The following CCSER1 variants were observed in gnomAD, a reference collection of about 807,000 sequenced individuals.
The protein encoded by CCSER1 is serine-rich coiled-coil domain-containing protein 1.
Under a neutral mutation model 82.0 loss-of-function variants are expected in CCSER1, and 41 were observed. The observed-to-expected ratio is 0.50, with a 90% confidence interval of 0.39 to 0.65. The LOEUF is 0.65. Ranked by LOEUF, CCSER1 falls within the 30% of genes least tolerant of loss-of-function variation. CCSER1 has a pLI of 0.00. For synonymous variants in CCSER1, 414 were observed against 383.9 expected, an observed-to-expected ratio of 1.08 and a Z score of -0.92; for missense variants, 1,119 against 1,064.2, an observed-to-expected ratio of 1.05 and a Z score of -0.72.
chr4:90,850,705 C>T (rs761583054), intron 8 of CCSER1, among the ~76,000 whole-genome samples: 7 of 152,184 alleles, frequency 4.6e-5, no homozygotes, highest in Non-Finnish European at 8.8e-5. Context: ...ACTAATATGC[C>T]TTTGATTTTA....
In CCSER1 at chr4:91,594,390, T is replaced by C. The variant is rs150940272; in HGVS notation, c.2218-4182T>C. Among the ~76,000 whole-genome samples the C allele has an allele frequency of 6.6e-3, 913 of 138,976 alleles. 3 individuals carry two copies. Among genetic ancestry groups the C allele is most frequent in the Non-Finnish European group, 0.011 (677 of 63,218 alleles). 91.2% of individuals were successfully genotyped at this position (138,976 alleles called of 152,430 possible). ...ATACACATATATATACACACATATA[T>C]ACATATATACACATATATACACATA... On this transcript the variant is annotated intron_variant, in intron 10 of 10. Coordinates refer to ENST00000509176, the MANE Select transcript of CCSER1 (RefSeq NM_001145065.2).
intron 7 of CCSER1, among the ~76,000 whole-genome samples, chr4:90,729,582 C>CAT (rs1744322337): frequency 1.3e-5 from 2 of 151,984 alleles, no homozygotes; most frequent in East Asian, 1.9e-4. Flanking sequence ...ACAATAAGAA[C>CAT]ATATATATAT....
rs187724774 is a variant in CCSER1 at position 91,490,786 on chromosome 4, G to A, written c.2218-107786G>A. The stretch of plus-strand genomic sequence containing the variant: ...TGGAATGTTTGCAACATGAAGAAAT[G>A]ATAAATGCTTGAGGTAATAGATACC... On this transcript the variant is annotated intron_variant, in intron 10 of 10. Coordinates refer to ENST00000509176, the MANE Select transcript of CCSER1 (RefSeq NM_001145065.2). Among the ~76,000 whole-genome samples the A allele has an allele frequency of 4.1e-3, 587 of 142,220 alleles. 8 individuals are homozygous for A. The highest frequency in any genetic ancestry group is 0.014 in the African/African-American group (558 of 38,576). The allele number at this position is 142,220 out of a possible 152,430, so 93.3% of individuals were successfully genotyped here. A position where few individuals can be genotyped will look rare whatever the true frequency, so the allele number is the denominator to read the frequency against.
chr4:91,004,743 C>G (rs961158291), intron 9 of CCSER1, among the ~76,000 whole-genome samples: 2 of 152,152 alleles, frequency 1.3e-5, no homozygotes, highest in African/African-American at 4.8e-5. Flanking sequence ...TAATATTTCT[C>G]AATTCAATGT....
At chr4:91,121,477 C>A (rs1209707392) in intron 10 of CCSER1, among the ~76,000 whole-genome samples, 3 of 151,564 alleles carry the variant, frequency 2.0e-5, no homozygotes, top group African/African-American at 7.3e-5. Flanking sequence ...AAGTGTATGG[C>A]CGTTAATTAG....
At chr4:90,769,521 T>A (rs544740829) in intron 7 of CCSER1, among the ~76,000 whole-genome samples, 3 of 152,282 alleles carry the variant, frequency 2.0e-5, no homozygotes, top group Admixed American at 1.3e-4. Context: ...ATTGCATAAT[T>A]GGACTTCAGA....
At chr4:90,154,959 G>A (rs1727753364) in intron 1 of CCSER1, among the ~76,000 whole-genome samples, 1 of 152,234 alleles carries the variant, frequency 6.6e-6, no homozygotes, top group East Asian at 1.9e-4. Flanking sequence ...TCTTGTGCCA[G>A]TTTTCAAAGG....
intron 8 of CCSER1, among the ~76,000 whole-genome samples, chr4:90,906,907 A>T (rs1725566139): frequency 6.6e-6 from 1 of 152,156 alleles, no homozygotes; most frequent in African/African-American, 2.4e-5. Flanking sequence ...TATTACTCCA[A>T]ATTCATTGTG....
At chr4:90,568,787 C>CA (rs1367428431) in intron 5 of CCSER1, among the ~76,000 whole-genome samples, 4 of 141,274 alleles carry the variant, frequency 2.8e-5, no homozygotes, top group Non-Finnish European at 6.0e-5. Context: ...CTTTTTGAGA[C>CA]AGTCTCACTC....
At chr4:90,683,571 T>C (rs1734273529) in intron 6 of CCSER1, among the ~76,000 whole-genome samples, 1 of 152,110 alleles carries the variant, frequency 6.6e-6, no homozygotes, top group South Asian at 2.1e-4. Flanking sequence ...TTAATGACTT[T>C]GTAAAACGAA....
chr4:90,414,935 C>G lies in CCSER1; in HGVS notation c.1603+14806C>G, dbSNP rs576323479. On this transcript the variant is annotated intron_variant, in intron 4 of 10. Coordinates refer to ENST00000509176, the MANE Select transcript of CCSER1 (RefSeq NM_001145065.2). Reference sequence around the variant, plus strand: ...TTTTTCTATTCACTTATGCATCTTGCAAAATATTTATAACACAGATAAAAT... The same window carrying G: ...TTTTTCTATTCACTTATGCATCTTGGAAAATATTTATAACACAGATAAAAT... Among the ~76,000 whole-genome samples, 4 of 151,438 alleles carry G rather than the reference C, an allele frequency of 2.6e-5. No homozygotes were observed. The South Asian group carries it at 8.3e-4, about 32-fold the overall frequency.
rs527597327 is a variant in CCSER1, at chr4:91,569,978, G to T, written c.2218-28594G>T. On this transcript the variant is annotated intron_variant, in intron 10 of 10. Coordinates refer to ENST00000509176, the MANE Select transcript of CCSER1 (RefSeq NM_001145065.2). ...AGTTAGTTACTTCCTAGATATGATG[G>T]GGGAAAAGGCACTGGGTAAATACAC... Among the ~76,000 whole-genome samples, 241 of 152,210 alleles carry T rather than the reference G, an allele frequency of 1.6e-3. 2 individuals are homozygous for T. Among genetic ancestry groups the T allele is most frequent in the Non-Finnish European group, 2.5e-3 (173 of 68,010 alleles).
chr4:91,004,600 G>C (rs1258425776), intron 9 of CCSER1, among the ~76,000 whole-genome samples: 3 of 152,142 alleles, frequency 2.0e-5, no homozygotes, highest in Non-Finnish European at 4.4e-5. Context: ...CCTTCCAAAA[G>C]GTGCCTGAGT....
chr4:90,876,569 T>A lies in CCSER1; in HGVS notation c.2095-46801T>A, dbSNP rs572864148. Among the ~76,000 whole-genome samples, 4 of 152,252 alleles carry A rather than the reference T, an allele frequency of 2.6e-5. No individual in the cohort carries two copies. In the East Asian group the frequency reaches 5.8e-4, roughly 22 times the overall value. ...CCCAAATATCTCTGAGAGTTTGCTC[T>A]CACAACATCTAACTAATCATCATCT... On this transcript the variant is annotated intron_variant, in intron 8 of 10. Coordinates refer to ENST00000509176, the MANE Select transcript of CCSER1 (RefSeq NM_001145065.2).
chr4:90,597,537 TAAAAAATAC>T (rs1783486205), intron 5 of CCSER1, among the ~76,000 whole-genome samples: 1 of 152,010 alleles, frequency 6.6e-6, no homozygotes, highest in African/African-American at 2.4e-5. Context: ...TAATTTTTTT[TAAAAAATAC>T]ATTTGACTGT....
At chr4:90,292,772 G>A (rs1317826448) in intron 1 of CCSER1, among the ~76,000 whole-genome samples, 1 of 151,212 alleles carries the variant, frequency 6.6e-6, no homozygotes, top group Non-Finnish European at 1.5e-5. Context: ...TAACATTTGT[G>A]TTTGAACTAG....
chr4:91,168,350 C>T (rs554481964), intron 10 of CCSER1, among the ~76,000 whole-genome samples: 23 of 142,798 alleles, frequency 1.6e-4, no homozygotes, highest in South Asian at 6.8e-4. Flanking sequence ...AAGTGAGGAG[C>T]GCCTCTGCCC....
intron 10 of CCSER1, among the ~76,000 whole-genome samples, chr4:91,258,835 G>T (rs1307319527): frequency 1.3e-5 from 2 of 152,138 alleles, no homozygotes; most frequent in African/African-American, 2.4e-5. Context: ...GGTGAAAAAT[G>T]AAGCAGAGAG....
chr4:90,673,585 C>T (rs917931073), intron 6 of CCSER1, among the ~76,000 whole-genome samples: 5 of 151,922 alleles, frequency 3.3e-5, no homozygotes, highest in South Asian at 2.1e-4. Flanking sequence ...CACATGGATC[C>T]TTCTGCTAGG....
Sources: gnomAD v4.1 joint callset for allele counts (sites outside exome capture counted in the v4.1 genomes callset) on GRCh38, gnomAD v4.1.1 for gene constraint, MANE v1.5 for transcripts, NCBI Gene and HGNC (gene_info 2026-07-23, HGNC 2026-07-21) for gene names.